Variants in ULK4 observed in about 807,000 individuals in gnomAD.
ULK4 encodes unc-51 like kinase 4.
A neutral mutation model predicts 160.6 loss-of-function variants in ULK4; 133 were observed. That is an observed-to-expected ratio of 0.83 (90% CI 0.72 to 0.96). ULK4 has a LOEUF of 0.96. ULK4 is among the 40% of genes least tolerant of loss of function. The pLI, the probability that ULK4 is intolerant of heterozygous loss-of-function variation, is 0.00. For synonymous variants in ULK4, 534 were observed against 539.8 expected (o/e 0.99, Z 0.15); for missense variants, 1,580 against 1,499.5 (o/e 1.05, Z -0.89).
At chr3:41,305,832 C>T (rs1420884396) in intron 35 of ULK4, among the ~76,000 whole-genome samples, 3 of 149,948 alleles carry the variant, frequency 2.0e-5, no homozygotes, top group African/African-American at 7.5e-5. Flanking sequence ...TCTGCCCGGC[C>T]GCCCATAGTC....
intron 32 of ULK4, among the ~76,000 whole-genome samples, chr3:41,525,725 C>G (rs552992693): frequency 6.6e-6 from 1 of 152,330 alleles, no homozygotes; most frequent in East Asian, 1.9e-4. Context: ...ATACAATGTG[C>G]CCTTTTTATC....
chr3:41,874,300 C>G (rs951323252), intron 17 of ULK4, among the ~76,000 whole-genome samples: 5 of 152,168 alleles, frequency 3.3e-5, no homozygotes, highest in Non-Finnish European at 5.9e-5. Context: ...GAAATAGATT[C>G]ATCATACACT....
intron 22 of ULK4, among the ~76,000 whole-genome samples, chr3:41,743,895 A>T (rs2038327742): frequency 1.3e-5 from 2 of 151,906 alleles, no homozygotes; most frequent in African/African-American, 4.9e-5. Context: ...CCTGGACAAG[A>T]CAATTATATT....
At chr3:41,950,002 C>T (rs550822641) in intron 2 of ULK4, among the ~76,000 whole-genome samples, 2 of 152,056 alleles carry the variant, frequency 1.3e-5, no homozygotes, top group Non-Finnish European at 2.9e-5. Context: ...TCTCAAAGTG[C>T]TGGGATTATA....
intron 17 of ULK4, among the ~76,000 whole-genome samples, chr3:41,864,313 C>A (rs1444906502): frequency 3.3e-5 from 5 of 151,740 alleles, no homozygotes; most frequent in African/African-American, 1.2e-4. Flanking sequence ...GCTGCTAGGG[C>A]GGGGATCAGG....
chr3:41,486,575 G>A (rs866562903), intron 32 of ULK4, among the ~76,000 whole-genome samples: 1 of 152,176 alleles, frequency 6.6e-6, no homozygotes, highest in Non-Finnish European at 1.5e-5. Context: ...AGGAAGCATG[G>A]AGGTAGATGG....
chr3:41,563,035 A>G (rs1171343011), intron 32 of ULK4, among the ~76,000 whole-genome samples: 1 of 151,954 alleles, frequency 6.6e-6, no homozygotes, highest in African/African-American at 2.4e-5. Context: ...TTCCTTTAGG[A>G]GCTCTTGTAA....
Position 41,344,390 on chromosome 3 carries a change from G to A in ULK4, c.3678+53689C>T, listed in dbSNP as rs755878336. Among the ~76,000 whole-genome samples, 26 of 152,098 alleles carry A rather than the reference G, an allele frequency of 1.7e-4. 1 individual carries two copies. Among genetic ancestry groups the A allele is most frequent in the South Asian group, 4.2e-4 (2 of 4,814 alleles). ...TACAAAAACCTTGGAAGAAAATCTA[G>A]GCAATACTATCTGGACATAGGCATG... On this transcript the variant is annotated intron_variant, in intron 35 of 36. Transcript: ENST00000301831.
At chr3:41,938,639 G>A (rs1398100102) in intron 2 of ULK4, among the ~76,000 whole-genome samples, 5 of 152,102 alleles carry the variant, frequency 3.3e-5, no homozygotes, top group African/African-American at 1.2e-4. Flanking sequence ...CTGAGACTGC[G>A]CCACTGCACT....
intron 29 of ULK4, among the ~76,000 whole-genome samples, chr3:41,672,558 G>A (rs1449216352): frequency 1.3e-5 from 2 of 152,158 alleles, no homozygotes; most frequent in Non-Finnish European, 1.5e-5. Flanking sequence ...TGTATAGGTA[G>A]AGTGGGGAAT....
At chr3:41,851,780 C>T (rs2042221035) in intron 17 of ULK4, among the ~76,000 whole-genome samples, 1 of 151,654 alleles carries the variant, frequency 6.6e-6, no homozygotes. Flanking sequence ...ACTAAATGCC[C>T]ACAAGAGAAA....
intron 21 of ULK4, among the ~76,000 whole-genome samples, chr3:41,781,416 TAAAAA>T: frequency 7.4e-6 from 1 of 135,144 alleles, no homozygotes; most frequent in African/African-American, 2.7e-5. Flanking sequence ...GACTCCATCT[TAAAAA>T]AAAAAAAAAA....
At chr3:41,499,074 C>T (rs753482577) in intron 32 of ULK4, among the ~76,000 whole-genome samples, 2 of 152,114 alleles carry the variant, frequency 1.3e-5, no homozygotes, top group African/African-American at 4.8e-5. Context: ...CAGATGCAAA[C>T]AACTAAGTAT....
chr3:41,569,588 T>A (rs1257294027), intron 31 of ULK4, among the ~76,000 whole-genome samples: 1 of 152,158 alleles, frequency 6.6e-6, no homozygotes, highest in East Asian at 1.9e-4. Flanking sequence ...TAGAAAACCA[T>A]CTACAACATC....
At chr3:41,760,584 A>G (rs1377224742) in intron 21 of ULK4, among the ~76,000 whole-genome samples, 1 of 152,194 alleles carries the variant, frequency 6.6e-6, no homozygotes, top group African/African-American at 2.4e-5. Context: ...CAAGTGGAAA[A>G]TTCCACACAT....
chr3:41,361,970 G>C lies in ULK4; in HGVS notation c.3678+36109C>G, dbSNP rs550190931. ...TGTGGGTCACTGTATTTTCAGAAAGGCATTCTAAACAGTTGAACAAAGATT... is the reference window on the plus strand; with the variant it reads ...TGTGGGTCACTGTATTTTCAGAAAGCCATTCTAAACAGTTGAACAAAGATT... On this transcript the variant is annotated intron_variant, in intron 35 of 36. Transcript: ENST00000301831. 2.4e-4 allele frequency among the ~76,000 whole-genome samples: 37 copies of C among 152,266 alleles called. 1 individual carries two copies. The South Asian group carries it at 7.7e-3, about 32-fold the overall frequency.
chr3:41,365,564 T>C (rs1414769344), intron 35 of ULK4, among the ~76,000 whole-genome samples: 1 of 152,252 alleles, frequency 6.6e-6, no homozygotes, highest in Non-Finnish European at 1.5e-5. Flanking sequence ...TTGCTTACAC[T>C]ATATCTCATT....
intron 35 of ULK4, among the ~76,000 whole-genome samples, chr3:41,299,703 T>A (rs1287243356): frequency 6.6e-6 from 1 of 152,230 alleles, no homozygotes; most frequent in East Asian, 1.9e-4. Flanking sequence ...TAACTTATAA[T>A]CCCAGTGAGC....
rs757859011 is a variant in ULK4 at position 41,912,831 on chromosome 3, G to C, written c.872C>G (p.Ser291Ter). The stretch of plus-strand genomic sequence containing the variant: ...CCTGAGACTGAGATCTTCGACGCTT[G>C]ATTCCTGATCTGCTCCAGCAAAAGC... ...KKAFAGADQE[S>*]SVEDLSLSRN... Residue 291 changes from serine (S) to a stop codon, truncating the protein, a stop_gained, in exon 9 of 37, where the codon TCA becomes TGA. Transcript: ENST00000301831. LOFTEE classifies it high-confidence loss of function. 24 of 1,613,996 alleles carry C rather than the reference G, an allele frequency of 1.5e-5. No homozygotes were observed. The highest frequency in any genetic ancestry group is 1.9e-5 in the Non-Finnish European group (23 of 1,180,018).
Sources: gnomAD v4.1 joint callset for allele counts (sites outside exome capture counted in the v4.1 genomes callset) on GRCh38, gnomAD v4.1.1 for gene constraint, MANE v1.5 for transcripts, NCBI Gene and HGNC (gene_info 2026-07-23, HGNC 2026-07-21) for gene names.